The following UBL3 variants were observed in gnomAD, a reference collection of about 807,000 sequenced individuals.
UBL3 encodes the protein ubiquitin like 3, also known as ubiquitin-like protein 3.
In UBL3, 6 loss-of-function variants were observed where a neutral mutation model predicts 18.4. The observed-to-expected ratio is 0.33, with a 90% CI of 0.18 to 0.64. The LOEUF (loss-of-function observed/expected upper bound fraction) is 0.64, where lower values mean the gene tolerates loss of function less well. Ranked by LOEUF, UBL3 falls within the 30% of genes least tolerant of loss-of-function variation. The probability of loss-of-function intolerance (pLI) is 0.76; values close to 1 mark genes in which losing one functional copy is unlikely to be tolerated. For synonymous variants in UBL3, 49 were observed against 46.6 expected, an observed-to-expected ratio of 1.05 and a Z score of -0.21; for missense variants, 109 against 142.9, an observed-to-expected ratio of 0.76 and a Z score of 1.21.
In UBL3 at chr13:29,849,555, C is replaced by T. The variant is rs1259561881; in HGVS notation, c.-17G>A. The T allele has an allele frequency of 6.8e-6, 11 of 1,613,778 alleles. No homozygotes were observed. In the South Asian group the frequency reaches 1.2e-4, roughly 18 times the overall value. On this transcript the variant is annotated 5_prime_UTR_variant, in exon 1 of 5. Coordinates refer to ENST00000380680, the MANE Select transcript of UBL3 (RefSeq NM_007106.4). ...ACTGGACATCTTGCCGTTTGATATACACCCAGATGTTTACGAAAAAAACAA... is the reference window on the plus strand; with the variant it reads ...ACTGGACATCTTGCCGTTTGATATATACCCAGATGTTTACGAAAAAAACAA...
chr13:29,787,192 A>T (rs1877343614), intron 1 of UBL3, among the ~76,000 whole-genome samples: 1 of 152,082 alleles, frequency 6.6e-6, no homozygotes, highest in Admixed American at 6.5e-5. Context: ...TTCATCAGTG[A>T]AGAAACAAAG....
chr13:29,816,607 T>C (rs551752222), intron 1 of UBL3, among the ~76,000 whole-genome samples: 1 of 150,266 alleles, frequency 6.7e-6, no homozygotes, highest in East Asian at 2.0e-4. Flanking sequence ...AAAAAAAAAA[T>C]TGTTGGGCAT....
intron 1 of UBL3, among the ~76,000 whole-genome samples, chr13:29,812,139 G>GAAGTCCACAATTCTCTGAATGTATT: frequency 6.6e-6 from 1 of 152,080 alleles, no homozygotes; most frequent in East Asian, 1.9e-4. Context: ...TTTAAGTCTT[G>GAAGTCCACAATTCTCTGAATGTATT]AAGTCCACAA....
chr13:29,786,668 A>C (rs1877327114), intron 1 of UBL3, among the ~76,000 whole-genome samples: 1 of 152,244 alleles, frequency 6.6e-6, no homozygotes, highest in Non-Finnish European at 1.5e-5. Context: ...ACTTGTATTC[A>C]GTAGACTAAG....
intron 1 of UBL3, among the ~76,000 whole-genome samples, chr13:29,790,847 A>T (rs1446375146): frequency 1.3e-5 from 2 of 152,048 alleles, no homozygotes; most frequent in Non-Finnish European, 2.9e-5. Flanking sequence ...TTCCTTTTAT[A>T]ATCCAAATAT....
intron 1 of UBL3, among the ~76,000 whole-genome samples, chr13:29,795,090 A>G (rs1006120278): frequency 2.6e-5 from 4 of 152,226 alleles, no homozygotes; most frequent in Non-Finnish European, 5.9e-5. Flanking sequence ...TCGCTCATGA[A>G]TGGAGTTAGT....
intron 1 of UBL3, chr13:29,779,089 T>C (rs1031706516): frequency 1.4e-5 from 5 of 356,290 alleles, no homozygotes; most frequent in African/African-American, 2.3e-5. Context: ...AAACTTTGAG[T>C]TCCACTTGAA....
chr13:29,827,125 T>A (rs1305356130), intron 1 of UBL3, among the ~76,000 whole-genome samples: 4 of 152,222 alleles, frequency 2.6e-5, no homozygotes, highest in Non-Finnish European at 5.9e-5. Flanking sequence ...AATTTTGGAA[T>A]AAGTGCGATG....
At chr13:29,779,258 C>T in intron 1 of UBL3, 1 of 504,498 alleles carries the variant, frequency 2.0e-6, no homozygotes, top group Non-Finnish European at 3.9e-6. Context: ...CATTACTACT[C>T]ATGGTTTTCT....
intron 1 of UBL3, among the ~76,000 whole-genome samples, chr13:29,842,135 T>TTTC (rs1299328106): frequency 1.3e-3 from 4 of 3,006 alleles, no homozygotes; most frequent in South Asian, 0.045. Context: ...ATTCTCTTTC[T>TTTC]TTTTTTTTTT....
intron 2 of UBL3, among the ~76,000 whole-genome samples, chr13:29,773,484 T>C (rs1025762660): frequency 6.6e-6 from 1 of 152,204 alleles, no homozygotes; most frequent in Non-Finnish European, 1.5e-5. Flanking sequence ...TAATAGAATA[T>C]TTCTGGTCAA....
chr13:29,783,693 ATTAC>A (rs1353774808), intron 1 of UBL3, among the ~76,000 whole-genome samples: 15 of 152,280 alleles, frequency 9.9e-5, no homozygotes, highest in African/African-American at 2.6e-4. Flanking sequence ...TTAAGTACTT[ATTAC>A]TTAAATATTT....
chr13:29,844,809 T>C (rs1190807746), intron 1 of UBL3, among the ~76,000 whole-genome samples: 1 of 152,204 alleles, frequency 6.6e-6, no homozygotes, highest in Admixed American at 6.5e-5. Flanking sequence ...GCACCATCAG[T>C]ATTTTATCCA....
Position 29,764,951 on chromosome 13 carries a change from G to A in UBL3, c.*2304C>T, listed in dbSNP as rs961579751. 6.6e-6 allele frequency: 1 copy of A among 151,968 alleles called. No individual in the cohort carries two copies. Among genetic ancestry groups the A allele is most frequent in the Non-Finnish European group, 1.5e-5 (1 of 67,992 alleles). The allele number at this position is 151,968 out of a possible 1,614,324, so 9.4% of individuals were successfully genotyped here. A position where few individuals can be genotyped will look rare whatever the true frequency, so the allele number is the denominator to read the frequency against. The stretch of plus-strand genomic sequence containing the variant: ...TACTATTAAGGCATCTAAATTTTTG[G>A]TGTTTTCAGTATATAATTTTACTGC... On this transcript the variant is annotated 3_prime_UTR_variant, in exon 5 of 5. Coordinates refer to ENST00000380680, the MANE Select transcript of UBL3 (RefSeq NM_007106.4).
intron 1 of UBL3, among the ~76,000 whole-genome samples, chr13:29,786,425 G>A (rs954050176): frequency 6.6e-6 from 1 of 152,120 alleles, no homozygotes; most frequent in African/African-American, 2.4e-5. Flanking sequence ...ATGTCTGAGA[G>A]GGAATGGCAT....
chr13:29,774,592 G>A (rs919090603), intron 2 of UBL3, among the ~76,000 whole-genome samples: 7 of 151,858 alleles, frequency 4.6e-5, no homozygotes, highest in Non-Finnish European at 8.8e-5. Context: ...AACCTTTATA[G>A]CTTCAGTATC....
intron 1 of UBL3, among the ~76,000 whole-genome samples, chr13:29,830,882 C>A (rs1015034374): frequency 2.1e-4 from 32 of 152,198 alleles, no homozygotes; most frequent in African/African-American, 7.7e-4. Context: ...CTCTTGACCA[C>A]ATTGAAATAC....
intron 1 of UBL3, among the ~76,000 whole-genome samples, chr13:29,845,016 A>T (rs1199343330): frequency 6.6e-6 from 1 of 152,148 alleles, no homozygotes; most frequent in African/African-American, 2.4e-5. Flanking sequence ...CTGAATGTCT[A>T]AAAAATATCA....
At chr13:29,839,517 T>C (rs1446019917) in intron 1 of UBL3, among the ~76,000 whole-genome samples, 2 of 152,182 alleles carry the variant, frequency 1.3e-5, no homozygotes, top group African/African-American at 2.4e-5. Flanking sequence ...CCAGGCACAG[T>C]GGTCTGCACA....
Sources: allele counts gnomAD v4.1 joint callset (sites outside exome capture counted in the v4.1 genomes callset), GRCh38; gene constraint gnomAD v4.1.1; transcripts MANE v1.5; gene names NCBI Gene and HGNC (gene_info 2026-07-23, HGNC 2026-07-21).